The following TLN2 variants were observed in gnomAD, a reference collection of about 807,000 sequenced individuals.
The protein encoded by TLN2 is talin-2.
TLN2 carries 118 observed loss-of-function variants against 294.7 expected under a neutral mutation model. That is an observed-to-expected ratio of 0.40 (90% CI 0.34 to 0.47). TLN2 has a LOEUF of 0.47. TLN2 is among the 20% of genes least tolerant of loss of function. TLN2 has a pLI of 0.84. For synonymous variants in TLN2, 1,431 were observed against 1,304.5 expected, an observed-to-expected ratio of 1.10 and a Z score of -2.09; for missense variants, 3,083 against 3,282.2, an observed-to-expected ratio of 0.94 and a Z score of 1.48.
At chr15:62,670,943 C>T (rs77625147) in intron 9 of TLN2, among the ~76,000 whole-genome samples, 1,574 of 152,314 alleles carry the variant, frequency 0.01, 18 homozygotes, top group Non-Finnish European at 0.018. Context: ...TTTGTCAACA[C>T]TTGCTGTTGT....
rs549515260 is a variant in TLN2 at position 62,420,715 on chromosome 15, C to G, written c.-238+30030C>G. 2.5e-3 allele frequency among the ~76,000 whole-genome samples: 384 copies of G among 152,300 alleles called. 3 individuals carry two copies. The highest frequency in any genetic ancestry group is 4.2e-3 in the Non-Finnish European group (284 of 68,010). ...ATCAAGAGTTTTGCCTAGGCCTTTC[C>G]TGGGCCTTAAAGCATGACAAAATAA... On this transcript the variant is annotated intron_variant, in intron 1 of 58. Coordinates refer to ENST00000636159, the MANE Select transcript of TLN2 (RefSeq NM_015059.3).
intron 10 of TLN2, among the ~76,000 whole-genome samples, chr15:62,674,585 T>TC (rs201506718): frequency 1.0e-3 from 151 of 144,140 alleles, no homozygotes; most frequent in Middle Eastern, 6.9e-3. Context: ...CCTCCGTACC[T>TC]CCCCCCGCCC....
At chr15:62,591,335 G>C (rs2046061156) in intron 2 of TLN2, among the ~76,000 whole-genome samples, 1 of 152,170 alleles carries the variant, frequency 6.6e-6, no homozygotes, top group African/African-American at 2.4e-5. Context: ...TGGGACACAT[G>C]ACTGCTGAGG....
At chr15:62,475,816 G>C (rs1476835106) in intron 1 of TLN2, among the ~76,000 whole-genome samples, 1 of 152,178 alleles carries the variant, frequency 6.6e-6, no homozygotes, top group Non-Finnish European at 1.5e-5. Context: ...GGAACTGCAG[G>C]CTGCTTTGTC....
At chr15:62,618,663 T>C (rs8037466) in intron 3 of TLN2, among the ~76,000 whole-genome samples, 188 bp downstream of exon 3, 61,597 of 152,022 alleles carry the variant, frequency 0.41, 12,994 homozygotes, top group East Asian at 0.58. Flanking sequence ...AGACCTTTGA[T>C]GATTTCCTTC....
At chr15:62,762,861 A>G (rs547039861) in intron 39 of TLN2, among the ~76,000 whole-genome samples, 71 of 152,174 alleles carry the variant, frequency 4.7e-4, no homozygotes, top group Admixed American at 7.2e-4. Context: ...ATTTAGCAGG[A>G]TTTGTGGTTG....
chr15:62,497,756 C>CA (rs2039083371), intron 1 of TLN2, among the ~76,000 whole-genome samples: 1 of 152,116 alleles, frequency 6.6e-6, no homozygotes, highest in Non-Finnish European at 1.5e-5. Context: ...TGAGAAGATA[C>CA]ATTTATAGCT....
intron 1 of TLN2, among the ~76,000 whole-genome samples, chr15:62,469,699 G>A (rs1411116349): frequency 2.0e-5 from 3 of 152,190 alleles, no homozygotes; most frequent in Non-Finnish European, 4.4e-5. Flanking sequence ...CACCCTTAAA[G>A]CACTAACACA....
intron 19 of TLN2, 50 bp downstream of exon 19, chr15:62,702,914 C>T (rs372270777): frequency 1.3e-6 from 2 of 1,526,822 alleles, no homozygotes; most frequent in African/African-American, 2.7e-5. Context: ...AAGTGATGGT[C>T]TAGACCCGAG....
intron 9 of TLN2, among the ~76,000 whole-genome samples, chr15:62,667,005 G>A (rs372705497): frequency 2.6e-4 from 40 of 152,128 alleles, no homozygotes; most frequent in East Asian, 7.7e-4. Flanking sequence ...TCGCTCTGTC[G>A]CCCAGGCTGG....
At chr15:62,636,731 A>G (rs1490759367) in intron 3 of TLN2, among the ~76,000 whole-genome samples, 2 of 152,136 alleles carry the variant, frequency 1.3e-5, no homozygotes, top group Non-Finnish European at 2.9e-5. Flanking sequence ...TTTAGGTGAA[A>G]GCAAACATGG....
chr15:62,625,936 C>G (rs566541663), intron 3 of TLN2, among the ~76,000 whole-genome samples: 5 of 152,240 alleles, frequency 3.3e-5, no homozygotes, highest in African/African-American at 1.2e-4. Context: ...GATGTCTAGG[C>G]TGTAGGTGGG....
chr15:62,428,517 G>A (rs1447919251), intron 1 of TLN2, among the ~76,000 whole-genome samples: 1 of 152,232 alleles, frequency 6.6e-6, no homozygotes, highest in African/African-American at 2.4e-5. Context: ...GAAGCCACGT[G>A]CCTTGATCGC....
chr15:62,800,817 G>A (rs1365549572), intron 50 of TLN2, 48 bp downstream of exon 50: 1 of 1,513,588 alleles, frequency 6.6e-7, no homozygotes, highest in Non-Finnish European at 9.0e-7. Flanking sequence ...TCCCACAGCT[G>A]ACCCCAGTGA....
chr15:62,573,101 T>A (rs924750701), intron 1 of TLN2, among the ~76,000 whole-genome samples: 39 of 152,268 alleles, frequency 2.6e-4, no homozygotes, highest in African/African-American at 8.9e-4. Flanking sequence ...TCCCTTCCAA[T>A]CAGCATCCGG....
intron 1 of TLN2, among the ~76,000 whole-genome samples, chr15:62,431,376 G>A (rs550456876): frequency 2.0e-5 from 3 of 152,256 alleles, no homozygotes; most frequent in South Asian, 2.1e-4. Context: ...AATTAAGGCC[G>A]AATGTTCTCT....
chr15:62,647,512 G>A, intron 4 of TLN2, 66 bp downstream of exon 4: 2 of 1,606,542 alleles, frequency 1.2e-6, no homozygotes, highest in South Asian at 2.2e-5. Context: ...TTTTGCTAAA[G>A]AGACAGAGGC....
chr15:62,516,304 G>A (rs532429464), intron 1 of TLN2, among the ~76,000 whole-genome samples: 40 of 152,316 alleles, frequency 2.6e-4, no homozygotes, highest in African/African-American at 9.4e-4. Context: ...CAACATGTGA[G>A]TTTGCCTTCT....
intron 45 of TLN2, among the ~76,000 whole-genome samples, chr15:62,792,373 A>G (rs2065133974): frequency 6.6e-6 from 1 of 152,232 alleles, no homozygotes. Context: ...GATAAGCTAT[A>G]AACCAGGAAA....
Sources: gnomAD v4.1 joint callset for allele counts (sites outside exome capture counted in the v4.1 genomes callset) on GRCh38, gnomAD v4.1.1 for gene constraint, MANE v1.5 for transcripts, NCBI Gene and HGNC (gene_info 2026-07-23, HGNC 2026-07-21) for gene names.